The following SPECC1L variants were observed in gnomAD, a reference collection of about 807,000 sequenced individuals.
SPECC1L encodes sperm antigen with calponin homology and coiled-coil domains 1 like, also known as cytospin-A.
In SPECC1L, 40 loss-of-function variants were observed where a neutral mutation model predicts 116.8. The observed-to-expected ratio is 0.34, with a 90% confidence interval of 0.27 to 0.45. The LOEUF is 0.45. Among genes scored for constraint, SPECC1L ranks in the 20% least tolerant of loss-of-function variants. The pLI, the probability that SPECC1L is intolerant of heterozygous loss-of-function variation, is 1.00. For synonymous variants in SPECC1L, 504 were observed against 500.6 expected (o/e 1.01, Z -0.09); for missense variants, 1,110 against 1,373.6 (o/e 0.81, Z 3.03).
At chr22:24,339,768 A>G (rs1434904809) in intron 10 of SPECC1L, among the ~76,000 whole-genome samples, 1 of 149,536 alleles carries the variant, frequency 6.7e-6, no homozygotes, top group Non-Finnish European at 1.5e-5. Flanking sequence ...TTGCATGTAT[A>G]TACAAGATGT....
chr22:24,405,316 CT>C (rs2042563783), intron 14 of SPECC1L, among the ~76,000 whole-genome samples: 2 of 152,122 alleles, frequency 1.3e-5, no homozygotes, highest in Admixed American at 1.3e-4. Context: ...CGTGGTATTG[CT>C]CCATGTGCAG....
At chr22:24,343,456 T>TTTTG (rs2041221970) in intron 10 of SPECC1L, 1 of 448,708 alleles carries the variant, frequency 2.2e-6, no homozygotes, top group African/African-American at 2.0e-5. Context: ...TTGTGTTTTT[T>TTTTG]TTTTGTTTTG....
chr22:24,300,121 A>C (rs2049347704), intron 2 of SPECC1L, among the ~76,000 whole-genome samples: 2 of 151,932 alleles, frequency 1.3e-5, no homozygotes, highest in South Asian at 4.2e-4. Context: ...CCATCCTCTA[A>C]GTTCTCTCCC....
At chr22:24,346,972 C>T (rs1475517961) in intron 10 of SPECC1L, 114 bp from the exon 11 acceptor site, 2 of 831,250 alleles carry the variant, frequency 2.4e-6, no homozygotes, top group Admixed American at 1.9e-5. Context: ...CTTACTATAG[C>T]AGTATGGAAA....
In SPECC1L at chr22:24,293,626, G is replaced by A. The variant is rs369400664; in HGVS notation, c.-37-8569G>A. Among the ~76,000 whole-genome samples, 89 of 151,456 alleles carry A rather than the reference G, an allele frequency of 5.9e-4. 4 individuals are homozygous for A. The East Asian group carries it at 0.016, about 27-fold the overall frequency. On this transcript the variant is annotated intron_variant, in intron 2 of 16. Coordinates refer to ENST00000314328, the MANE Select transcript of SPECC1L (RefSeq NM_015330.6). ...GTAGGAGCAGCTCAGTTTCTAGATC[G>A]AGGGAAATAATAGTCTTGCTGAGCT...
chr22:24,400,429 CATTGTA>C (rs1213877821), intron 14 of SPECC1L, among the ~76,000 whole-genome samples: 1 of 152,152 alleles, frequency 6.6e-6, no homozygotes, highest in Non-Finnish European at 1.5e-5. Context: ...AAAAATAATC[CATTGTA>C]TGGATAGACC....
At chr22:24,342,636 G>GCA (rs2041200246) in intron 10 of SPECC1L, among the ~76,000 whole-genome samples, 1 of 145,468 alleles carries the variant, frequency 6.9e-6, no homozygotes, top group Non-Finnish European at 1.5e-5. Context: ...TTGTGCCATT[G>GCA]CACTCCAGCC....
Position 24,313,362 on chromosome 22 carries a change from T to G in SPECC1L, c.203T>G (p.Val68Gly). 1 of 1,614,146 alleles carries G rather than the reference T, an allele frequency of 6.2e-7. No homozygotes were observed. The highest frequency in any genetic ancestry group is 8.5e-7 in the Non-Finnish European group (1 of 1,180,022). The change falls in exon 4 of 17, where the codon GTG (valine) becomes GGG (glycine). Residue 68 changes from valine (V) to glycine (G), a missense_variant. Around this residue, in one of 4 missense-constraint regions of SPECC1L, gnomAD observed 437 missense variants for 482.6 expected, o/e 0.91. Transcript: ENST00000314328. ...GCTGGAATGGCCGGAGGGGTAACGG[T>G]GACTAATGGTGTTAAAGGAAAGAAA... is the stretch of plus-strand genomic sequence containing the variant. ...LLAGMAGGVTVTNGVKGKKST... is the reference protein window; with the variant it reads ...LLAGMAGGVTGTNGVKGKKST...
chr22:24,335,621 G>T (rs903449332), intron 9 of SPECC1L, among the ~76,000 whole-genome samples: 2 of 152,128 alleles, frequency 1.3e-5, no homozygotes, highest in African/African-American at 4.8e-5. Context: ...TTATTAACAG[G>T]CTACTAGAAT....
intron 4 of SPECC1L, among the ~76,000 whole-genome samples, chr22:24,315,862 C>G (rs1235947845): frequency 6.6e-6 from 1 of 152,190 alleles, no homozygotes; most frequent in East Asian, 1.9e-4. Context: ...TTTTGTCTTG[C>G]AGATGGCTGC....
chr22:24,338,468 C>T lies in SPECC1L; in HGVS notation c.2643C>T (p.Ser881=), dbSNP rs765632008. 6.2e-7 allele frequency: 1 copy of T among 1,614,062 alleles called. No individual in the cohort carries two copies. The highest frequency in any genetic ancestry group is 8.5e-7 in the Non-Finnish European group (1 of 1,179,968). The change falls in exon 10 of 17, where the codon TCC becomes TCT. Residue 881 remains serine, a synonymous_variant. Coordinates refer to ENST00000314328, the MANE Select transcript of SPECC1L (RefSeq NM_015330.6). ...AAACCCCTCCTGCAGCAGCTGTGTCCCCTATGCAGGTGAGTGCCTGGAACC... is the reference window on the plus strand; with the variant it reads ...AAACCCCTCCTGCAGCAGCTGTGTCTCCTATGCAGGTGAGTGCCTGGAACC... ...PMKTPPAAAV[S]PMQRHSISGP...
In SPECC1L at chr22:24,322,147, T is replaced by C. The variant is rs1178461939; in HGVS notation, c.1167T>C (p.Ser389=). The C allele has an allele frequency of 6.2e-7, 1 of 1,613,928 alleles. No individual in the cohort carries two copies. Among genetic ancestry groups the C allele is most frequent in the East Asian group, 2.2e-5 (1 of 44,880 alleles). ...RSRKGSSGNA[S]EVSVACLTER... ...GGAAGGGGAGCAGCGGGAATGCCAG[T>C]GAAGTGTCCGTGGCTTGCCTGACTG... The change falls in exon 5 of 17, where the codon AGT becomes AGC. Residue 389 remains serine (S), a synonymous_variant. Transcript: ENST00000314328.
intron 14 of SPECC1L, among the ~76,000 whole-genome samples, chr22:24,395,729 C>A (rs1441457492): frequency 6.6e-6 from 1 of 152,140 alleles, no homozygotes; most frequent in Non-Finnish European, 1.5e-5. Context: ...CCTCTGCCTC[C>A]CAGTTTCAAG....
chr22:24,276,383 G>C (rs2048838096), intron 1 of SPECC1L, among the ~76,000 whole-genome samples: 1 of 152,110 alleles, frequency 6.6e-6, no homozygotes, highest in South Asian at 2.1e-4. Context: ...AGTGAGCTAG[G>C]GATCACACCA....
At position 24,417,681 on chromosome 22, in the gene SPECC1L, GAGAAAA is replaced by G. The variant is rs2042827962; in HGVS notation, c.*3066_*3071del. On this transcript the variant is annotated 3_prime_UTR_variant, in exon 17 of 17. Coordinates refer to ENST00000314328, the MANE Select transcript of SPECC1L (RefSeq NM_015330.6). ...AATAATTGTCAGGATGTATAAAATA[GAGAAAA>G]AGAAAAAAGGTATCCTACCCAGAGG... The G allele has an allele frequency of 6.6e-6, 1 of 152,030 alleles. No individual in the cohort carries two copies. Among genetic ancestry groups the G allele is most frequent in the Admixed American group, 6.5e-5 (1 of 15,280 alleles). The allele number at this position is 152,030 out of a possible 1,614,324, so 9.4% of individuals were successfully genotyped here. A position where few individuals can be genotyped will look rare whatever the true frequency, so the allele number is the denominator to read the frequency against.
At position 24,321,449 on chromosome 22, in the gene SPECC1L, C is replaced by G; in HGVS notation, c.469C>G (p.Arg157Gly). The change falls in exon 5 of 17, where the codon CGA becomes GGA. Residue 157 changes from arginine (R) to glycine (G), a missense_variant. Around this residue, in one of 4 missense-constraint regions of SPECC1L, gnomAD observed 437 missense variants for 482.6 expected, o/e 0.91. Coordinates refer to ENST00000314328, the MANE Select transcript of SPECC1L (RefSeq NM_015330.6). ...DMALAKRSRSRTATECDVRMS... is the reference protein window; with the variant it reads ...DMALAKRSRSGTATECDVRMS... ...GGCATTGGCCAAACGTTCCCGCAGT[C>G]GAACTGCTACAGAATGTGACGTTCG... The G allele has an allele frequency of 6.2e-7, 1 of 1,614,232 alleles. No individual in the cohort carries two copies. The highest frequency in any genetic ancestry group is 8.5e-7 in the Non-Finnish European group (1 of 1,180,052).
At chr22:24,297,678 A>G (rs2049294530) in intron 2 of SPECC1L, among the ~76,000 whole-genome samples, 1 of 152,206 alleles carries the variant, frequency 6.6e-6, no homozygotes, top group Non-Finnish European at 1.5e-5. Context: ...AAAATATTGA[A>G]TGGAAAAATT....
chr22:24,401,628 T>C (rs1034973705), intron 14 of SPECC1L, among the ~76,000 whole-genome samples: 4 of 152,212 alleles, frequency 2.6e-5, no homozygotes, highest in African/African-American at 9.6e-5. Context: ...AGCACTCAGG[T>C]TCACGAGTGG....
chr22:24,271,106 C>T (rs112152069), intron 1 of SPECC1L, 123 bp downstream of exon 1: 2 of 152,522 alleles, frequency 1.3e-5, no homozygotes, highest in Non-Finnish European at 2.9e-5. Flanking sequence ...CCTGCGCCGT[C>T]TCTGCTCCTG....
Sources: allele counts gnomAD v4.1 joint callset (sites outside exome capture counted in the v4.1 genomes callset), GRCh38; gene constraint gnomAD v4.1.1; regional missense constraint gnomAD v4.1.1; transcripts MANE v1.5; gene names NCBI Gene and HGNC (gene_info 2026-07-23, HGNC 2026-07-21).